The following DNAH17 variants were observed in gnomAD, a reference collection of about 807,000 sequenced individuals.
The protein encoded by DNAH17 is dynein axonemal heavy chain 17, also known as axonemal beta dynein heavy chain 17.
Under a neutral mutation model 485.6 loss-of-function variants are expected in DNAH17, and 376 were observed. The ratio of observed to expected loss-of-function variants is 0.77; its 90% confidence interval spans 0.71 to 0.84. DNAH17 has a LOEUF of 0.84. DNAH17 is among the 40% of genes least tolerant of loss of function. The pLI is 0.00. For synonymous variants in DNAH17, 3,031 were observed against 2,405.9 expected (o/e 1.26, Z -7.60); for missense variants, 6,370 against 5,839.3 (o/e 1.09, Z -2.96).
intron 26 of DNAH17, among the ~76,000 whole-genome samples, chr17:78,513,781 C>G (rs955614392): frequency 6.6e-6 from 1 of 152,138 alleles, no homozygotes; most frequent in Non-Finnish European, 1.5e-5. Flanking sequence ...TACAGGAGCC[C>G]CAGCCAGGGA....
At chr17:78,467,750 A>G (rs9913689) in intron 55 of DNAH17, among the ~76,000 whole-genome samples, 21,313 of 152,060 alleles carry the variant, frequency 0.14, 2,092 homozygotes, top group African/African-American at 0.28. Context: ...GATGTCGAAA[A>G]TCAAGGTGTG....
In DNAH17 at chr17:78,475,809, C is replaced by T. The variant is rs377158353; in HGVS notation, c.8179G>A (p.Ala2727Thr). Residue 2727 changes from alanine (A) to threonine (T), a missense_variant, in exon 53 of 81, where the codon GCC becomes ACC. Physicochemically the swap from Ala to Thr is moderately conservative, Grantham distance 58. Coordinates refer to ENST00000389840, the MANE Select transcript of DNAH17 (RefSeq NM_173628.4). Reference sequence around the variant, plus strand: ...AAGTGGCAGAAGATATTTGGCTTGGCAAATAAGAGTTCATCACCAAGATCC... The same window carrying T: ...AAGTGGCAGAAGATATTTGGCTTGGTAAATAAGAGTTCATCACCAAGATCC... ...FDDLGDELLF[A>T]KPNIFCHFAQ... The T allele has an allele frequency of 1.2e-6, 2 of 1,612,032 alleles. No individual in the cohort carries two copies. The highest frequency in any genetic ancestry group is 2.7e-5 in the African/African-American group (2 of 74,712).
chr17:78,543,257 G>C (rs889733114), intron 17 of DNAH17, among the ~76,000 whole-genome samples: 1 of 151,532 alleles, frequency 6.6e-6, no homozygotes, highest in African/African-American at 2.4e-5. Context: ...TGGGATTACA[G>C]GCATGTGCCA....
rs76547736 is a variant in DNAH17 at position 78,533,180 on chromosome 17, C to T, written c.2860-444G>A. ...TGACTCACACATTGATTCATTCATTCGATAGCTCGCTCTCACTGCGTACCA... is the reference window on the plus strand; with the variant it reads ...TGACTCACACATTGATTCATTCATTTGATAGCTCGCTCTCACTGCGTACCA... On this transcript the variant is annotated intron_variant, in intron 19 of 80. Coordinates refer to ENST00000389840, the MANE Select transcript of DNAH17 (RefSeq NM_173628.4). 3.3e-3 allele frequency: 607 copies of T among 186,488 alleles called. 20 individuals carry two copies. In the East Asian group the frequency reaches 0.058, roughly 18 times the overall value. The allele number at this position is 186,488 out of a possible 1,614,324, so 11.6% of individuals were successfully genotyped here.
chr17:78,519,001 T>C (rs2143172499), intron 25 of DNAH17, among the ~76,000 whole-genome samples: 1 of 151,822 alleles, frequency 6.6e-6, no homozygotes, highest in African/African-American at 2.4e-5. Flanking sequence ...ACCCCGTCTC[T>C]ACTAAAAATA....
intron 76 of DNAH17, 139 bp from the exon 77 acceptor site, chr17:78,428,846 T>A: frequency 1.8e-6 from 2 of 1,091,510 alleles, no homozygotes; most frequent in Non-Finnish European, 2.7e-6. Flanking sequence ...CCAGCCCCCT[T>A]TGTGGGCTGC....
At chr17:78,434,928 G>A (rs2086809053) in intron 74 of DNAH17, among the ~76,000 whole-genome samples, 1 of 152,212 alleles carries the variant, frequency 6.6e-6, no homozygotes, top group African/African-American at 2.4e-5. Context: ...CAGTGGCCGA[G>A]GATCCCGCTG....
chr17:78,496,075 A>G (rs753397575), intron 37 of DNAH17, 43 bp from the exon 38 acceptor site: 1 of 1,591,186 alleles, frequency 6.3e-7, no homozygotes, highest in Non-Finnish European at 8.6e-7. Flanking sequence ...GGAAATGGCC[A>G]GCTTCCACAC....
chr17:78,567,028 T>G lies in DNAH17; in HGVS notation c.1423A>C (p.Lys475Gln). Reference protein sequence around the residue: ...FELVKVFADCKYDPLDPGDSN... With the variant: ...FELVKVFADCQYDPLDPGDSN... ...TCTCCAGGGTCCAAGGGATCATATT[T>G]GCAGTCGGCAAAAACCTTCACCAGC... is the stretch of plus-strand genomic sequence containing the variant. The change falls in exon 10 of 81, where the codon AAA becomes CAA. Residue 475 changes from lysine to glutamine, a missense_variant. Physicochemically the swap from Lys to Gln is moderately conservative, Grantham distance 53. Coordinates refer to ENST00000389840, the MANE Select transcript of DNAH17 (RefSeq NM_173628.4). The G allele has an allele frequency of 1.9e-6, 3 of 1,613,700 alleles. No individual in the cohort carries two copies. The highest frequency in any genetic ancestry group is 2.5e-6 in the Non-Finnish European group (3 of 1,179,808).
rs537592683 is a variant in DNAH17, at chr17:78,470,045, T to TA, written c.8512-1163dup. 1.3e-3 allele frequency among the ~76,000 whole-genome samples: 186 copies of TA among 147,528 alleles called. 1 individual carries two copies. The highest frequency in any genetic ancestry group is 4.5e-3 in the African/African-American group (178 of 39,842). On this transcript the variant is annotated intron_variant, in intron 54 of 80. Transcript: ENST00000389840. ...TGCTTCATGCCACCGAACTAGATGT[T>TA]AAAAGTGGTGAAAATGTCTTACTCT...
intron 80 of DNAH17, 47 bp from the exon 81 acceptor site, chr17:78,424,200 A>AGG: frequency 6.4e-7 from 1 of 1,567,060 alleles, no homozygotes; most frequent in Non-Finnish European, 8.6e-7. Context: ...CCAGTAAGTG[A>AGG]GGGAGGGGCT....
At chr17:78,519,224 T>C (rs139053727) in intron 25 of DNAH17, among the ~76,000 whole-genome samples, 2 of 136,656 alleles carry the variant, frequency 1.5e-5, no homozygotes, top group Non-Finnish European at 3.2e-5. Flanking sequence ...AAATCATCCA[T>C]GGGTCAAAGA....
chr17:78,507,991 C>T (rs1273204387), intron 27 of DNAH17, among the ~76,000 whole-genome samples, 186 bp from the exon 28 acceptor site: 2 of 152,112 alleles, frequency 1.3e-5, no homozygotes, highest in African/African-American at 4.8e-5. Context: ...TGGATGCATG[C>T]GATCTCTGTC....
intron 54 of DNAH17, among the ~76,000 whole-genome samples, chr17:78,474,892 A>ACGGGCCGAAAGG (rs2088937749): frequency 6.8e-6 from 1 of 146,648 alleles, no homozygotes; most frequent in Non-Finnish European, 1.5e-5. Flanking sequence ...CCTCAGTCAC[A>ACGGGCCGAAAGG]TGGGCCGGGA....
chr17:78,537,839 T>A (rs920812930), intron 18 of DNAH17, among the ~76,000 whole-genome samples: 1 of 152,204 alleles, frequency 6.6e-6, no homozygotes, highest in African/African-American at 2.4e-5. Context: ...AAATATTTTA[T>A]AGAATGGAGA....
Position 78,494,107 on chromosome 17 carries a change from G to A in DNAH17, c.6337C>T (p.Gln2113Ter), listed in dbSNP as rs1426289864. ...CGGACCTGCAGCAGCTCCTCCAGCTGCACCACCTTCAGCACGAAGCTGTCC... is the reference window on the plus strand; with the variant it reads ...CGGACCTGCAGCAGCTCCTCCAGCTACACCACCTTCAGCACGAAGCTGTCC... ...AEDSFVLKVV[Q>*]LEELLQVRHS... The change falls in exon 41 of 81, where the codon CAG (glutamine) becomes TAG (stop). Residue 2113 changes from glutamine to a stop codon, truncating the protein, a stop_gained. Coordinates refer to ENST00000389840, the MANE Select transcript of DNAH17 (RefSeq NM_173628.4). LOFTEE classifies it high-confidence loss of function. 6.2e-7 allele frequency: 1 copy of A among 1,612,834 alleles called. No individual in the cohort carries two copies. The highest frequency in any genetic ancestry group is 1.6e-4 in the Middle Eastern group (1 of 6,062).
chr17:78,423,971 A>C lies in DNAH17; in HGVS notation c.13324T>G (p.Leu4442Val), dbSNP rs2086245854. The part of the protein sequence containing the change: ...RGPTYVWTFN[L>V]KTKEKAAKWI... ...TTCGCTGCCTTCTCTTTGGTCTTCA[A>C]GTTAAAGGTCCAGACATAGGTGGGG... Residue 4442 changes from leucine (L) to valine (V), a missense_variant, in exon 81 of 81, where the codon TTG (leucine) becomes GTG (valine). Coordinates refer to ENST00000389840, the MANE Select transcript of DNAH17 (RefSeq NM_173628.4). 6.2e-7 allele frequency: 1 copy of C among 1,614,016 alleles called. No homozygotes were observed. The highest frequency in any genetic ancestry group is 8.5e-7 in the Non-Finnish European group (1 of 1,179,900).
intron 16 of DNAH17, among the ~76,000 whole-genome samples, chr17:78,551,056 T>TA (rs969553848): frequency 5.1e-4 from 77 of 152,130 alleles, no homozygotes; most frequent in African/African-American, 1.6e-3. Context: ...TCATCTCCAC[T>TA]AAAAAAACAA....
intron 25 of DNAH17, among the ~76,000 whole-genome samples, chr17:78,524,409 A>G (rs1274992575): frequency 6.6e-6 from 1 of 152,154 alleles, no homozygotes; most frequent in African/African-American, 2.4e-5. Flanking sequence ...AAGTGCTGAG[A>G]TTACAGGCAT....
Sources: allele counts gnomAD v4.1 joint callset (sites outside exome capture counted in the v4.1 genomes callset), GRCh38; gene constraint gnomAD v4.1.1; transcripts MANE v1.5; gene names NCBI Gene and HGNC (gene_info 2026-07-23, HGNC 2026-07-21).